Variants in CSMD1 observed in about 807,000 individuals in gnomAD.
CSMD1 encodes the protein CUB and Sushi multiple domains 1.
In CSMD1, 213 loss-of-function variants were observed where a neutral mutation model predicts 417.5. The observed-to-expected ratio is 0.51, with a 90% CI of 0.46 to 0.57. The LOEUF (loss-of-function observed/expected upper bound fraction) is 0.57, where lower values mean the gene tolerates loss of function less well. Ranked by LOEUF, CSMD1 falls within the 20% of genes least tolerant of loss-of-function variation. The probability of loss-of-function intolerance (pLI) is 0.00; values close to 1 mark genes in which losing one functional copy is unlikely to be tolerated. For missense variants in CSMD1, 6,923 were observed against 4,529.7 expected, an observed-to-expected ratio of 1.53 and a Z score of -15.17; for synonymous variants, 2,862 against 1,736.8, an observed-to-expected ratio of 1.65 and a Z score of -16.11.
intron 7 of CSMD1, among the ~76,000 whole-genome samples, chr8:3,697,810 T>A (rs1437202811): frequency 6.6e-6 from 1 of 152,182 alleles, no homozygotes; most frequent in Non-Finnish European, 1.5e-5. Flanking sequence ...AATTTATACT[T>A]CCTTTTTTAG....
intron 3 of CSMD1, among the ~76,000 whole-genome samples, chr8:4,378,863 G>C (rs1802919154): frequency 6.6e-6 from 1 of 152,178 alleles, no homozygotes; most frequent in African/African-American, 2.4e-5. Context: ...ATGAAACAGA[G>C]AGTCAGCCCT....
At chr8:3,298,052 G>A (rs933138892) in intron 25 of CSMD1, among the ~76,000 whole-genome samples, 3 of 152,136 alleles carry the variant, frequency 2.0e-5, no homozygotes, top group African/African-American at 7.2e-5. Context: ...CACACCCCCA[G>A]TAGAATGGCT....
intron 7 of CSMD1, among the ~76,000 whole-genome samples, chr8:3,647,057 A>G (rs894916489): frequency 3.3e-5 from 5 of 152,194 alleles, no homozygotes; most frequent in East Asian, 3.8e-4. Flanking sequence ...GTGTCAGCTC[A>G]GGTTTTCTTT....
chr8:3,326,208 T>G lies in CSMD1; in HGVS notation c.3631+17086A>C, dbSNP rs562260604. On this transcript the variant is annotated intron_variant, in intron 23 of 69. Coordinates refer to ENST00000635120, the MANE Select transcript of CSMD1 (RefSeq NM_033225.6). ...CGCGATGATATACATGTTGGTCAGT[T>G]AGCAAGGATGATAAAACATCATATT... Among the ~76,000 whole-genome samples the G allele has an allele frequency of 1.2e-4, 18 of 152,336 alleles. No homozygotes were observed. The South Asian group carries it at 3.5e-3, about 30-fold the overall frequency.
At chr8:4,678,309 G>C (rs1187916017) in intron 1 of CSMD1, among the ~76,000 whole-genome samples, 1 of 152,080 alleles carries the variant, frequency 6.6e-6, no homozygotes, top group African/African-American at 2.4e-5. Context: ...TACTTGGGAG[G>C]GTGAGGCATG....
intron 26 of CSMD1, among the ~76,000 whole-genome samples, chr8:3,277,343 G>T (rs1194278927): frequency 1.3e-5 from 2 of 152,196 alleles, no homozygotes; most frequent in African/African-American, 4.8e-5. Flanking sequence ...CTGGGTGCCT[G>T]TGCGCAGGTG....
intron 1 of CSMD1, among the ~76,000 whole-genome samples, chr8:4,777,961 C>T (rs1041062926): frequency 2.6e-5 from 4 of 152,116 alleles, no homozygotes; most frequent in Admixed American, 6.6e-5. Flanking sequence ...GTGACAAATA[C>T]GTTTTACATA....
chr8:3,828,509 C>T (rs538826127), intron 5 of CSMD1, among the ~76,000 whole-genome samples: 2 of 152,154 alleles, frequency 1.3e-5, no homozygotes, highest in African/African-American at 2.4e-5. Context: ...TTCCCAAACA[C>T]TAGTTATCTA....
chr8:4,142,772 C>T (rs1803868861), intron 3 of CSMD1, among the ~76,000 whole-genome samples: 1 of 150,916 alleles, frequency 6.6e-6, no homozygotes, highest in East Asian at 1.9e-4. Context: ...TTCATTAGTG[C>T]AAAACAGGCT....
intron 5 of CSMD1, among the ~76,000 whole-genome samples, chr8:3,807,667 A>G (rs1051774080): frequency 1.3e-5 from 2 of 152,118 alleles, no homozygotes; most frequent in Admixed American, 1.3e-4. Context: ...TCACCTACAC[A>G]TCTCTATATA....
At chr8:4,148,337 G>A (rs150460687) in intron 3 of CSMD1, among the ~76,000 whole-genome samples, 1,933 of 134,892 alleles carry the variant, frequency 0.014, 25 homozygotes, top group Non-Finnish European at 0.021. Context: ...ATAGACAGAG[G>A]AAGGGAAACA....
intron 7 of CSMD1, among the ~76,000 whole-genome samples, chr8:3,668,676 A>G (rs11998260): frequency 0.17 from 25,822 of 152,052 alleles, 2,307 homozygotes; most frequent in South Asian, 0.22. Context: ...AGGTGTCCAG[A>G]GATCAACCAG....
chr8:4,203,151 T>C (rs2552116), intron 3 of CSMD1, among the ~76,000 whole-genome samples: 56,075 of 152,018 alleles, frequency 0.37, 10,730 homozygotes, highest in East Asian at 0.63. Context: ...CTTTTCTGGC[T>C]CAGGTCAGAG....
Position 4,235,902 on chromosome 8 carries a change from G to T in CSMD1, c.415+184051C>A, listed in dbSNP as rs1389711784. 3.3e-5 allele frequency among the ~76,000 whole-genome samples: 5 copies of T among 152,150 alleles called. No individual in the cohort carries two copies. In the South Asian group the frequency reaches 8.3e-4, roughly 25 times the overall value. ...GAACCGGCTGACACATCCCGTAGCT[G>T]AGCCGCAGCTTCCGCCAACAAACCA... On this transcript the variant is annotated intron_variant, in intron 3 of 69. Coordinates refer to ENST00000635120, the MANE Select transcript of CSMD1 (RefSeq NM_033225.6).
In CSMD1 at chr8:4,419,965, C is replaced by T; in HGVS notation, c.403G>A (p.Ala135Thr). The change falls in exon 3 of 70, where the codon GCA (alanine) becomes ACA (threonine). Residue 135 changes from alanine (A) to threonine (T), a missense_variant. By Grantham distance (58) the Ala-to-Thr change is moderately conservative. Coordinates refer to ENST00000635120, the MANE Select transcript of CSMD1 (RefSeq NM_033225.6). ...ACCAATCTCCTACCTTCATATAATG[C>T]TTTGAAACCTTGGGCACTCACAGCG... ...DFAVSAQGFKALYEVLPSHTC... is the reference protein window; with the variant it reads ...DFAVSAQGFKTLYEVLPSHTC... 1 of 1,576,856 alleles carries T rather than the reference C, an allele frequency of 6.3e-7. No homozygotes were observed. Among genetic ancestry groups the T allele is most frequent in the Non-Finnish European group, 8.6e-7 (1 of 1,159,212 alleles).
chr8:4,690,684 T>C (rs757708778), intron 1 of CSMD1, among the ~76,000 whole-genome samples: 1 of 152,168 alleles, frequency 6.6e-6, no homozygotes, highest in Non-Finnish European at 1.5e-5. Context: ...ATTTTATGAA[T>C]TGAATCATTA....
Position 2,980,356 on chromosome 8 carries a change from A to G in CSMD1, c.8378-1556T>C, listed in dbSNP as rs1313255869. On this transcript the variant is annotated intron_variant, in intron 54 of 69. Transcript: ENST00000635120. The stretch of plus-strand genomic sequence containing the variant: ...CTCCTCCTCCTCCATTTCCTCCTCC[A>G]CCTCTGTGTCCTTTCTTCCTCCTCC... 2.8e-5 allele frequency among the ~76,000 whole-genome samples: 4 copies of G among 142,474 alleles called. No individual in the cohort carries two copies. In the East Asian group the frequency reaches 8.4e-4, roughly 30 times the overall value. The allele number at this position is 142,474 out of a possible 152,430, so 93.5% of individuals were successfully genotyped here.
chr8:4,094,796 A>C (rs1800913240), intron 3 of CSMD1, among the ~76,000 whole-genome samples: 2 of 152,164 alleles, frequency 1.3e-5, no homozygotes, highest in African/African-American at 4.8e-5. Flanking sequence ...GTACTGGATA[A>C]ACAGGCCTGC....
At chr8:3,618,673 C>T (rs1802264352) in intron 7 of CSMD1, among the ~76,000 whole-genome samples, 1 of 151,860 alleles carries the variant, frequency 6.6e-6, no homozygotes, top group Non-Finnish European at 1.5e-5. Flanking sequence ...AAATGACTAC[C>T]AGAAGATTAA....
Sources: allele counts gnomAD v4.1 joint callset (sites outside exome capture counted in the v4.1 genomes callset), GRCh38; gene constraint gnomAD v4.1.1; transcripts MANE v1.5; gene names NCBI Gene and HGNC (gene_info 2026-07-23, HGNC 2026-07-21).